SEMA6A: variants seen among roughly 807,000 people sequenced by gnomAD.
The protein encoded by SEMA6A is semaphorin-6A.
SEMA6A carries 25 observed loss-of-function variants against 96.8 expected under a neutral mutation model. That is an observed-to-expected ratio of 0.26 (90% confidence interval 0.19 to 0.36). The LOEUF (loss-of-function observed/expected upper bound fraction) is 0.36. Among genes scored for constraint, SEMA6A ranks in the 10% least tolerant of loss-of-function variants. SEMA6A has a pLI of 1.00. For missense variants in SEMA6A, 1,363 were observed against 1,323.1 expected, an observed-to-expected ratio of 1.03 and a Z score of -0.47; for synonymous variants, 612 against 518.0, an observed-to-expected ratio of 1.18 and a Z score of -2.46.
chr5:116,484,681 G>A (rs1026573190), intron 10 of SEMA6A, among the ~76,000 whole-genome samples: 2 of 152,090 alleles, frequency 1.3e-5, no homozygotes, highest in Admixed American at 6.6e-5. Context: ...TCTTCAGGAC[G>A]GTCTGGTAAG....
At chr5:116,551,869 G>C (rs1163792469) in intron 1 of SEMA6A, among the ~76,000 whole-genome samples, 2 of 152,172 alleles carry the variant, frequency 1.3e-5, no homozygotes, top group African/African-American at 4.8e-5. Flanking sequence ...AGTGTGTCTG[G>C]ACTGACAATG....
At position 116,513,870 on chromosome 5, in the gene SEMA6A, A is replaced by C. The variant is rs1291274451; in HGVS notation, c.-38-8888T>G. On this transcript the variant is annotated intron_variant, in intron 1 of 18. Transcript: ENST00000343348. ...CATTTAGCTCCCACTTGTAAGTAAGAACATGCGGTATTTGGTTTTCTGTTC... is the reference window on the plus strand; with the variant it reads ...CATTTAGCTCCCACTTGTAAGTAAGCACATGCGGTATTTGGTTTTCTGTTC... Among the ~76,000 whole-genome samples, 3 of 152,280 alleles carry C rather than the reference A, an allele frequency of 2.0e-5. No homozygotes were observed. The East Asian group carries it at 5.8e-4, about 29-fold the overall frequency.
intron 9 of SEMA6A, 64 bp from the exon 10 acceptor site, chr5:116,487,030 A>G: frequency 8.6e-7 from 1 of 1,166,324 alleles, no homozygotes; most frequent in Non-Finnish European, 1.3e-6. Context: ...TCTTAGTAGA[A>G]TCTGCATTCC....
At chr5:116,545,706 C>A (rs1368797387) in intron 1 of SEMA6A, among the ~76,000 whole-genome samples, 1 of 152,204 alleles carries the variant, frequency 6.6e-6, no homozygotes, top group African/African-American at 2.4e-5. Flanking sequence ...TTTGTGGCAC[C>A]AGGGAACAAG....
intron 6 of SEMA6A, among the ~76,000 whole-genome samples, chr5:116,494,394 C>T (rs553335348): frequency 3.5e-4 from 54 of 152,184 alleles, no homozygotes; most frequent in Non-Finnish European, 1.3e-4. Context: ...TTGGGAGGCA[C>T]TATGTTAGGT....
intron 2 of SEMA6A, among the ~76,000 whole-genome samples, chr5:116,504,385 T>C (rs1275870191): frequency 6.6e-6 from 1 of 152,198 alleles, no homozygotes; most frequent in Non-Finnish European, 1.5e-5. Flanking sequence ...AATTTCTCTT[T>C]ACCAAAGTCT....
intron 18 of SEMA6A, among the ~76,000 whole-genome samples, chr5:116,462,826 T>A (rs1013790544): frequency 8.5e-5 from 13 of 152,308 alleles, no homozygotes; most frequent in South Asian, 2.1e-4. Context: ...ACTTTGGTCA[T>A]TCAACTACCA....
At chr5:116,449,531 G>T in intron 18 of SEMA6A, 5 of 543,512 alleles carry the variant, frequency 9.2e-6, no homozygotes, top group Non-Finnish European at 1.6e-5. Context: ...TCTCATGGGG[G>T]TTTTTCTGCT....
chr5:116,562,395 T>A (rs1760851488), intron 1 of SEMA6A, among the ~76,000 whole-genome samples: 2 of 152,248 alleles, frequency 1.3e-5, no homozygotes, highest in African/African-American at 4.8e-5. Flanking sequence ...ATATCATATC[T>A]AACCTTTATC....
chr5:116,526,049 G>T (rs950910688), intron 1 of SEMA6A, among the ~76,000 whole-genome samples: 8 of 144,920 alleles, frequency 5.5e-5, no homozygotes, highest in African/African-American at 2.0e-4. Flanking sequence ...AAAGTTTTAA[G>T]AATTTTTCAC....
intron 1 of SEMA6A, among the ~76,000 whole-genome samples, chr5:116,569,659 G>A (rs1761131107): frequency 6.6e-6 from 1 of 152,178 alleles, no homozygotes; most frequent in African/African-American, 2.4e-5. Flanking sequence ...AGGAACACCT[G>A]AAGGAAGCCT....
At chr5:116,487,829 A>G (rs535245222) in intron 9 of SEMA6A, among the ~76,000 whole-genome samples, 1 of 152,252 alleles carries the variant, frequency 6.6e-6, no homozygotes, top group Non-Finnish European at 1.5e-5. Context: ...GTACCACTGC[A>G]CTCCAGCCTG....
chr5:116,510,260 A>C (rs1245749680), intron 1 of SEMA6A, among the ~76,000 whole-genome samples: 1 of 152,108 alleles, frequency 6.6e-6, no homozygotes, highest in Non-Finnish European at 1.5e-5. Context: ...GTTGAGTTTT[A>C]CACTAAATCT....
intron 1 of SEMA6A, among the ~76,000 whole-genome samples, chr5:116,570,291 G>A (rs1209175300): frequency 6.6e-6 from 1 of 152,162 alleles, no homozygotes; most frequent in African/African-American, 2.4e-5. Flanking sequence ...AAGCCTTCAC[G>A]CTGAAATAGA....
chr5:116,491,082 G>C (rs904576459), intron 7 of SEMA6A, among the ~76,000 whole-genome samples: 1 of 152,312 alleles, frequency 6.6e-6, no homozygotes, highest in African/African-American at 2.4e-5. Context: ...TTTGGTCAGA[G>C]ATGGGTGTGT....
At chr5:116,512,263 C>T (rs1345309510) in intron 1 of SEMA6A, among the ~76,000 whole-genome samples, 1 of 152,170 alleles carries the variant, frequency 6.6e-6, no homozygotes, top group Non-Finnish European at 1.5e-5. Context: ...GCAGGAACCA[C>T]GAGGGCCGCC....
chr5:116,520,556 A>G (rs1414246101), intron 1 of SEMA6A, among the ~76,000 whole-genome samples: 1 of 152,188 alleles, frequency 6.6e-6, no homozygotes, highest in East Asian at 1.9e-4. Context: ...AGAGACTGGC[A>G]TTTTTCAGAT....
intron 18 of SEMA6A, among the ~76,000 whole-genome samples, chr5:116,464,429 G>A (rs1485725838): frequency 6.6e-6 from 1 of 152,172 alleles, no homozygotes; most frequent in Non-Finnish European, 1.5e-5. Context: ...GGCCAGTAGG[G>A]TAATGAAGGG....
At chr5:116,471,750 C>G (rs1255744725) in intron 17 of SEMA6A, 1 of 152,156 alleles carries the variant, frequency 6.6e-6, no homozygotes, top group Non-Finnish European at 1.5e-5. Context: ...AATGTATAAG[C>G]CAGTCTTTAA....
Sources: allele counts gnomAD v4.1 joint callset (sites outside exome capture counted in the v4.1 genomes callset), GRCh38; gene constraint gnomAD v4.1.1; transcripts MANE v1.5; gene names NCBI Gene and HGNC (gene_info 2026-07-23, HGNC 2026-07-21).